The following SVOP variants were observed in gnomAD, a reference collection of about 807,000 sequenced individuals.
The protein encoded by SVOP is SV2 related protein.
SVOP carries 17 observed loss-of-function variants against 69.1 expected under a neutral mutation model. The ratio of observed to expected loss-of-function variants is 0.25; its 90% CI spans 0.17 to 0.37. The LOEUF (loss-of-function observed/expected upper bound fraction) is 0.37. Ranked by LOEUF, SVOP falls within the 10% of genes least tolerant of loss-of-function variation. The probability of loss-of-function intolerance (pLI) is 1.00; values close to 1 mark genes in which losing one functional copy is unlikely to be tolerated. For missense variants in SVOP, 435 were observed against 597.5 expected (o/e 0.73, Z 2.84); for synonymous variants, 238 against 238.6 (o/e 1.00, Z 0.02).
intron 10 of SVOP, among the ~76,000 whole-genome samples, 172 bp from the exon 11 acceptor site, chr12:108,934,443 AG>A (rs2039844060): frequency 6.6e-6 from 1 of 152,172 alleles, no homozygotes; most frequent in Non-Finnish European, 1.5e-5. Context: ...TAGGTAAAAA[AG>A]CATCACGATA....
chr12:108,960,777 C>A, intron 6 of SVOP, 146 bp downstream of exon 6: 1 of 936,672 alleles, frequency 1.1e-6, no homozygotes, highest in Non-Finnish European at 1.5e-6. Context: ...TCTTGCTACA[C>A]CATAGCTCCT....
intron 2 of SVOP, among the ~76,000 whole-genome samples, chr12:108,980,287 C>A (rs1220887486): frequency 6.6e-6 from 1 of 152,132 alleles, no homozygotes; most frequent in African/African-American, 2.4e-5. Flanking sequence ...CTGGTGAAAT[C>A]CGAATAAAGT....
chr12:108,991,784 CA>C (rs369772563), intron 1 of SVOP, among the ~76,000 whole-genome samples: 1 of 147,768 alleles, frequency 6.8e-6, no homozygotes, highest in African/African-American at 2.5e-5. Flanking sequence ...CAAAAAAAAA[CA>C]AAAAAAAAAG....
At chr12:108,936,023 TACACAC>T (rs144380662) in intron 10 of SVOP, among the ~76,000 whole-genome samples, 117 of 144,664 alleles carry the variant, frequency 8.1e-4, no homozygotes, top group Middle Eastern at 3.5e-3. Flanking sequence ...ATAGTATAAA[TACACAC>T]ACACACACAC....
chr12:108,948,087 A>G (rs2039934821), intron 6 of SVOP, among the ~76,000 whole-genome samples: 1 of 151,984 alleles, frequency 6.6e-6, no homozygotes. Flanking sequence ...ACTGGCATGT[A>G]CGTGTATAAA....
At chr12:109,019,684 T>C (rs533710908) in intron 1 of SVOP, among the ~76,000 whole-genome samples, 22 of 152,312 alleles carry the variant, frequency 1.4e-4, no homozygotes, top group African/African-American at 4.8e-4. Flanking sequence ...TATTACATAA[T>C]CAGATATACT....
chr12:108,943,659 A>G (rs1180579434), intron 7 of SVOP, among the ~76,000 whole-genome samples: 2 of 152,060 alleles, frequency 1.3e-5, no homozygotes, highest in African/African-American at 4.8e-5. Flanking sequence ...GCACTGGGCC[A>G]AGATTTAACT....
At chr12:108,936,310 G>C (rs954047208) in intron 10 of SVOP, among the ~76,000 whole-genome samples, 2 of 152,202 alleles carry the variant, frequency 1.3e-5, no homozygotes, top group South Asian at 4.1e-4. Flanking sequence ...CTCCCACAGT[G>C]CTGGGATTAC....
At chr12:108,997,120 G>A (rs559081693) in intron 1 of SVOP, among the ~76,000 whole-genome samples, 143 of 152,174 alleles carry the variant, frequency 9.4e-4, no homozygotes, top group African/African-American at 3.1e-3. Flanking sequence ...TGCGCGAGCC[G>A]AAGCAGGGCG....
At chr12:109,004,319 T>G (rs117331678) in intron 1 of SVOP, among the ~76,000 whole-genome samples, 1 of 152,114 alleles carries the variant, frequency 6.6e-6, no homozygotes, top group Non-Finnish European at 1.5e-5. Flanking sequence ...CTTGAGGAAA[T>G]AGTTGTCAAC....
chr12:108,984,951 G>A (rs2040159142), intron 1 of SVOP, among the ~76,000 whole-genome samples: 1 of 152,194 alleles, frequency 6.6e-6, no homozygotes, highest in South Asian at 2.1e-4. Context: ...GGGGTGCTGG[G>A]TACAGTGGAT....
At chr12:108,924,241 C>G (rs1294685091) in intron 11 of SVOP, among the ~76,000 whole-genome samples, 1 of 152,150 alleles carries the variant, frequency 6.6e-6, no homozygotes. Flanking sequence ...TCCCAGCCCC[C>G]CAGGACCGAC....
intron 3 of SVOP, 94 bp from the exon 4 acceptor site, chr12:108,977,590 C>G: frequency 1.3e-6 from 1 of 787,138 alleles, no homozygotes. Context: ...GAGACTGTAG[C>G]ACACCCCTCT....
At chr12:109,016,610 T>C (rs997947424) in intron 1 of SVOP, among the ~76,000 whole-genome samples, 1 of 152,208 alleles carries the variant, frequency 6.6e-6, no homozygotes, top group Non-Finnish European at 1.5e-5. Context: ...TCCTGGAATG[T>C]TCTTAATCCT....
In SVOP at chr12:108,961,173, G is replaced by C. The variant is rs560652474; in HGVS notation, c.454-126C>G. ...GAGCCTACACAACCAAGGGGGTACT[G>C]GGTTCCTCTGTATGGGGAGTGCCAA... On this transcript the variant is annotated intron_variant, in intron 5 of 15. Coordinates refer to ENST00000610966, the MANE Select transcript of SVOP (RefSeq NM_018711.5). The C allele has an allele frequency of 2.2e-4, 273 of 1,227,686 alleles. 1 individual carries two copies. In the African/African-American group the frequency reaches 3.8e-3, roughly 17 times the overall value. The allele number at this position is 1,227,686 out of a possible 1,614,324, so 76.0% of individuals were successfully genotyped here.
chr12:108,926,864 C>A (rs1042949618), intron 11 of SVOP, among the ~76,000 whole-genome samples: 1 of 152,190 alleles, frequency 6.6e-6, no homozygotes, highest in Admixed American at 6.5e-5. Context: ...TCTGACATTT[C>A]TGCATGTTTT....
At chr12:108,937,583 C>G (rs1378799150) in intron 9 of SVOP, among the ~76,000 whole-genome samples, 1 of 152,112 alleles carries the variant, frequency 6.6e-6, no homozygotes. Context: ...ACCTGGAAAC[C>G]TGGACTTGGG....
In SVOP at chr12:108,983,137, C is replaced by T. The variant is rs995783674; in HGVS notation, c.196+464G>A. 4.0e-5 allele frequency among the ~76,000 whole-genome samples: 6 copies of T among 151,524 alleles called. No individual in the cohort carries two copies. The South Asian group carries it at 1.0e-3, about 26-fold the overall frequency. On this transcript the variant is annotated intron_variant, in intron 2 of 15. Coordinates refer to ENST00000610966, the MANE Select transcript of SVOP (RefSeq NM_018711.5). ...TAATCACCATAATCATCACTATCAC[C>T]ACCATCATCATCACCATTGTCATCA...
intron 1 of SVOP, 24 bp downstream of exon 1, chr12:109,020,810 C>G: frequency 2.0e-6 from 1 of 504,704 alleles, no homozygotes; most frequent in East Asian, 5.5e-5. Context: ...CTGTCTGCCT[C>G]TTGCTCGCCC....
Sources: gnomAD v4.1 joint callset for allele counts (sites outside exome capture counted in the v4.1 genomes callset) on GRCh38, gnomAD v4.1.1 for gene constraint, MANE v1.5 for transcripts, NCBI Gene and HGNC (gene_info 2026-07-23, HGNC 2026-07-21) for gene names.